Variants in KIAA0319 observed in about 807,000 individuals in gnomAD.
KIAA0319 encodes the protein dyslexia-associated protein KIAA0319.
In KIAA0319, 83 loss-of-function variants were observed where a neutral mutation model predicts 108.4. The ratio of observed to expected loss-of-function variants is 0.77; its 90% confidence interval spans 0.64 to 0.92. The LOEUF (loss-of-function observed/expected upper bound fraction) is 0.92. Ranked by LOEUF, KIAA0319 falls within the 40% of genes least tolerant of loss-of-function variation. The probability of loss-of-function intolerance (pLI) is 0.00; values close to 1 mark genes in which losing one functional copy is unlikely to be tolerated. For missense variants in KIAA0319, 1,195 were observed against 1,322.4 expected, an observed-to-expected ratio of 0.90 and a Z score of 1.49; for synonymous variants, 484 against 510.4, an observed-to-expected ratio of 0.95 and a Z score of 0.70.
chr6:24,627,151 C>G (rs181515295), intron 1 of KIAA0319, among the ~76,000 whole-genome samples: 1 of 152,262 alleles, frequency 6.6e-6, no homozygotes, highest in African/African-American at 2.4e-5. Context: ...TGTAATATAT[C>G]TTAGTAACAA....
intron 3 of KIAA0319, among the ~76,000 whole-genome samples, chr6:24,592,689 G>A (rs879821068): frequency 2.6e-5 from 4 of 152,150 alleles, no homozygotes; most frequent in African/African-American, 4.8e-5. Context: ...GCATGTTATC[G>A]GTGGGGCAAG....
chr6:24,608,668 C>T (rs998972945), intron 1 of KIAA0319, among the ~76,000 whole-genome samples: 1 of 152,022 alleles, frequency 6.6e-6, no homozygotes, highest in Admixed American at 6.6e-5. Context: ...CGGTGGCTCA[C>T]GCCTGTAATC....
At position 24,596,626 on chromosome 6, in the gene KIAA0319, CAA is replaced by C; in HGVS notation, c.56-10_56-9del. On this transcript the variant is annotated splice_polypyrimidine_tract_variant and intron_variant, in intron 2 of 20. Coordinates refer to ENST00000378214, the MANE Select transcript of KIAA0319 (RefSeq NM_014809.4). ...ACTGCTTACGGGCACAACCTTTAAA[CAA>C]AGTAGTTTCTAATGAGGGAGAGAGG... 2 of 1,586,678 alleles carry C rather than the reference CAA, an allele frequency of 1.3e-6. No homozygotes were observed. Among genetic ancestry groups the C allele is most frequent in the Non-Finnish European group, 1.7e-6 (2 of 1,162,710 alleles).
intron 1 of KIAA0319, among the ~76,000 whole-genome samples, chr6:24,639,512 T>C (rs910343940): frequency 9.8e-5 from 15 of 152,316 alleles, no homozygotes; most frequent in African/African-American, 2.4e-4. Context: ...AGAGTTACTA[T>C]ATGACATTTG....
intron 1 of KIAA0319, among the ~76,000 whole-genome samples, chr6:24,618,329 C>T (rs1214661980): frequency 6.9e-6 from 1 of 145,870 alleles, no homozygotes; most frequent in Admixed American, 6.7e-5. Flanking sequence ...AAATTACAGG[C>T]CAAGTAGAAT....
rs754778449 is a variant in KIAA0319, at chr6:24,583,697, C to T, written c.1000G>A (p.Glu334Lys). The T allele has an allele frequency of 2.5e-6, 4 of 1,603,896 alleles. No individual in the cohort carries two copies. The South Asian group carries it at 4.4e-5, about 18-fold the overall frequency. ...TTATCTCCAGCCGATACCGTAAGTT[C>T]TTTCACTAAAAGTTAATTAGAAATA... ...SPTTAPRTVK[E>K]LTVSAGDNLI... Residue 334 changes from glutamate to lysine, a missense_variant, in exon 5 of 21, where the codon GAA becomes AAA. Transcript: ENST00000378214.
chr6:24,595,062 C>T (rs972671285), intron 3 of KIAA0319, among the ~76,000 whole-genome samples: 3 of 152,126 alleles, frequency 2.0e-5, no homozygotes, highest in African/African-American at 2.4e-5. Flanking sequence ...TTTCATGGAA[C>T]GTTTTATGAC....
rs144146909 is a variant in KIAA0319 at position 24,619,916 on chromosome 6, C to A, written c.-105-18708G>T. On this transcript the variant is annotated intron_variant, in intron 1 of 20. Coordinates refer to ENST00000378214, the MANE Select transcript of KIAA0319 (RefSeq NM_014809.4). The stretch of plus-strand genomic sequence containing the variant: ...CAGCCAGAGCAAACCAAATATAGTT[C>A]CAGCCTGACTAAAAAGTGCCGACCA... Among the ~76,000 whole-genome samples, 239 of 152,288 alleles carry A rather than the reference C, an allele frequency of 1.6e-3. 1 individual carries two copies. The highest frequency in any genetic ancestry group is 2.8e-3 in the Non-Finnish European group (193 of 68,020).
At chr6:24,643,773 G>A (rs1777268323) in intron 1 of KIAA0319, among the ~76,000 whole-genome samples, 1 of 152,162 alleles carries the variant, frequency 6.6e-6, no homozygotes, top group Non-Finnish European at 1.5e-5. Context: ...AAACATGCCA[G>A]GCAATGAGCA....
chr6:24,564,345 G>T lies in KIAA0319; in HGVS notation c.2293-5C>A, dbSNP rs2760164. ...GTCAGAGCCATCGATGACATCCTGCGAAAGAACACGGATCACAGGGCAGCT... is the reference window on the plus strand; with the variant it reads ...GTCAGAGCCATCGATGACATCCTGCTAAAGAACACGGATCACAGGGCAGCT... On this transcript the variant is annotated splice_region_variant and splice_polypyrimidine_tract_variant and intron_variant, in intron 14 of 20. Transcript: ENST00000378214. 1.2e-6 allele frequency: 2 copies of T among 1,614,026 alleles called. No individual in the cohort carries two copies. The highest frequency in any genetic ancestry group is 1.7e-6 in the Non-Finnish European group (2 of 1,179,946).
intron 1 of KIAA0319, among the ~76,000 whole-genome samples, chr6:24,608,726 C>T (rs559050209): frequency 3.5e-4 from 53 of 151,182 alleles, no homozygotes; most frequent in Admixed American, 1.6e-3. Flanking sequence ...GTCAGGAGAT[C>T]GAGACCATCC....
chr6:24,614,988 T>C (rs1772941498), intron 1 of KIAA0319, among the ~76,000 whole-genome samples: 2 of 152,164 alleles, frequency 1.3e-5, no homozygotes, highest in South Asian at 4.1e-4. Context: ...GGTTGGTACA[T>C]AGTAAGAGCT....
chr6:24,633,744 T>C (rs917322519), intron 1 of KIAA0319, among the ~76,000 whole-genome samples: 1 of 152,182 alleles, frequency 6.6e-6, no homozygotes, highest in African/African-American at 2.4e-5. Flanking sequence ...ATTTAATACT[T>C]ATTAGAACAA....
At chr6:24,571,920 T>G (rs533033754) in intron 11 of KIAA0319, among the ~76,000 whole-genome samples, 1 of 152,272 alleles carries the variant, frequency 6.6e-6, no homozygotes, top group Admixed American at 6.5e-5. Context: ...GAGTTTTATG[T>G]GAACTTCTCC....
intron 20 of KIAA0319, among the ~76,000 whole-genome samples, chr6:24,550,699 C>A (rs1429993193): frequency 2.0e-5 from 3 of 152,072 alleles, no homozygotes; most frequent in Non-Finnish European, 4.4e-5. Context: ...TCCTAGCAGA[C>A]CTAAAGGGAA....
chr6:24,608,659 G>A (rs866532476), intron 1 of KIAA0319, among the ~76,000 whole-genome samples: 4 of 151,980 alleles, frequency 2.6e-5, no homozygotes, highest in East Asian at 1.9e-4. Context: ...GGCCAGGCGC[G>A]GTGGCTCACG....
At chr6:24,642,532 T>G (rs1777102887) in intron 1 of KIAA0319, among the ~76,000 whole-genome samples, 1 of 152,172 alleles carries the variant, frequency 6.6e-6, no homozygotes, top group Admixed American at 6.5e-5. Context: ...TCCTATCAAC[T>G]GTAATGCTTA....
At position 24,599,791 on chromosome 6, in the gene KIAA0319, T is replaced by C. The variant is rs891938922; in HGVS notation, c.55+1258A>G. The C allele has an allele frequency of 2.1e-6, 1 of 479,022 alleles. No homozygotes were observed. The allele number at this position is 479,022 out of a possible 1,614,324, so 29.7% of individuals were successfully genotyped here. On this transcript the variant is annotated intron_variant, in intron 2 of 20. Coordinates refer to ENST00000378214, the MANE Select transcript of KIAA0319 (RefSeq NM_014809.4). The surrounding 1 kb of genome is among the most constrained non-coding windows in gnomAD (Gnocchi z 4.1). ...TCCTCTGATGTTCTGCCCAAGTGAA[T>C]GGCCACAGCAGCCCCTCCCAGCCTA...
At position 24,580,795 on chromosome 6, in the gene KIAA0319, C is replaced by T; in HGVS notation, c.1279+131G>A. 4.6e-6 allele frequency: 3 copies of T among 656,924 alleles called. No individual in the cohort carries two copies. In the South Asian group the frequency reaches 5.9e-5, roughly 13 times the overall value. 40.7% of individuals were successfully genotyped at this position (656,924 alleles called of 1,614,324 possible). A position where few individuals can be genotyped will look rare whatever the true frequency, so the allele number is the denominator to read the frequency against. ...AAAATATAATCTTTGCGTGTTTTCT[C>T]TACAATGGAGCCTAATACAAAATAG... On this transcript the variant is annotated intron_variant, in intron 7 of 20. Coordinates refer to ENST00000378214, the MANE Select transcript of KIAA0319 (RefSeq NM_014809.4).
Sources: gnomAD v4.1 joint callset for allele counts (sites outside exome capture counted in the v4.1 genomes callset) on GRCh38, gnomAD v4.1.1 for gene constraint, Gnocchi (gnomAD v3.1) non-coding constraint, MANE v1.5 for transcripts, NCBI Gene and HGNC (gene_info 2026-07-23, HGNC 2026-07-21) for gene names.